The following MCTP1 variants were observed in gnomAD, a reference collection of about 807,000 sequenced individuals.
MCTP1 encodes the protein multiple C2 and transmembrane domain-containing protein 1.
In MCTP1, 69 loss-of-function variants were observed where a neutral mutation model predicts 120.6. The ratio of observed to expected loss-of-function variants is 0.57; its 90% CI spans 0.47 to 0.70. The LOEUF (loss-of-function observed/expected upper bound fraction) is 0.70. Among genes scored for constraint, MCTP1 ranks in the 30% least tolerant of loss-of-function variants. The pLI is 0.00. For synonymous variants in MCTP1, 529 were observed against 493.1 expected (o/e 1.07, Z -0.96); for missense variants, 1,203 against 1,248.8 (o/e 0.96, Z 0.55).
intron 2 of MCTP1, among the ~76,000 whole-genome samples, chr5:94,957,089 A>C (rs1346648754): frequency 6.6e-6 from 1 of 152,230 alleles, no homozygotes; most frequent in Non-Finnish European, 1.5e-5. Flanking sequence ...TCTACAAGCC[A>C]GAAGAGACTG....
intron 1 of MCTP1, among the ~76,000 whole-genome samples, chr5:95,134,760 G>C (rs1285830806): frequency 2.0e-5 from 3 of 152,110 alleles, no homozygotes; most frequent in Non-Finnish European, 2.9e-5. Context: ...CTCAGAGTCA[G>C]AGTGGGACAA....
chr5:95,042,308 G>A (rs1466007972), intron 1 of MCTP1, among the ~76,000 whole-genome samples: 1 of 152,052 alleles, frequency 6.6e-6, no homozygotes, highest in East Asian at 1.9e-4. Context: ...CTTTAAAGAG[G>A]GTGCAAACAC....
intron 19 of MCTP1, among the ~76,000 whole-genome samples, chr5:94,746,504 T>G (rs71641024): frequency 7.2e-4 from 110 of 152,350 alleles, no homozygotes; most frequent in Middle Eastern, 3.4e-3. Context: ...TTTGTATATT[T>G]GTGCATTAGC....
rs144220311 is a variant in MCTP1 at position 95,125,266 on chromosome 5, T to A, written c.721-107782A>T. Among the ~76,000 whole-genome samples, 524 of 152,350 alleles carry A rather than the reference T, an allele frequency of 3.4e-3. 3 individuals are homozygous for A. The highest frequency in any genetic ancestry group is 0.01 in the South Asian group (49 of 4,828). On this transcript the variant is annotated intron_variant, in intron 1 of 22. Transcript: ENST00000515393. ...GTGCTTAAATGATTCAAGTATATAT[T>A]TGTTAACTTCCAAGTGGACCACTTG...
chr5:95,248,962 T>C (rs967138059), intron 1 of MCTP1, among the ~76,000 whole-genome samples: 1 of 152,008 alleles, frequency 6.6e-6, no homozygotes, highest in African/African-American at 2.4e-5. Context: ...TAACCATAGG[T>C]AGAAAGCTGA....
chr5:94,987,065 A>AT (rs1014499464), intron 2 of MCTP1, among the ~76,000 whole-genome samples: 3 of 152,034 alleles, frequency 2.0e-5, no homozygotes, highest in Admixed American at 1.3e-4. Flanking sequence ...TTTTATTTGC[A>AT]TTTTTTTATT....
At chr5:94,932,313 G>T (rs1432317731) in intron 5 of MCTP1, among the ~76,000 whole-genome samples, 1 of 151,436 alleles carries the variant, frequency 6.6e-6, no homozygotes, top group South Asian at 2.1e-4. Flanking sequence ...GCTCCTTTTG[G>T]TGGTGGAGGT....
intron 2 of MCTP1, among the ~76,000 whole-genome samples, chr5:94,968,173 C>T (rs1653603049): frequency 6.6e-6 from 1 of 152,098 alleles, no homozygotes; most frequent in Non-Finnish European, 1.5e-5. Flanking sequence ...TATATTTTAG[C>T]AAGATATTAT....
chr5:95,229,604 G>A (rs993350857), intron 1 of MCTP1, among the ~76,000 whole-genome samples: 1 of 152,068 alleles, frequency 6.6e-6, no homozygotes, highest in Admixed American at 6.6e-5. Flanking sequence ...CCACAGGTGT[G>A]GTGGCGGGCG....
At chr5:95,080,015 A>C in intron 1 of MCTP1, among the ~76,000 whole-genome samples, 1 of 152,180 alleles carries the variant, frequency 6.6e-6, no homozygotes, top group Non-Finnish European at 1.5e-5. Flanking sequence ...CAATTCTAAC[A>C]GAAAGGGTTG....
chr5:95,195,712 T>A (rs1750310998), intron 1 of MCTP1, among the ~76,000 whole-genome samples: 1 of 151,874 alleles, frequency 6.6e-6, no homozygotes, highest in Non-Finnish European at 1.5e-5. Flanking sequence ...GAGAGGGGTA[T>A]AAAGTGACCG....
At position 94,947,575 on chromosome 5, in the gene MCTP1, TATAGAGAGAGAGAGAGAGAGAGAG is replaced by T. The variant is rs1442874332; in HGVS notation, c.982-5172_982-5149del. 4.8e-3 allele frequency among the ~76,000 whole-genome samples: 228 copies of T among 47,410 alleles called. 10 individuals carry two copies. Among genetic ancestry groups the T allele is most frequent in the Non-Finnish European group, 7.3e-3 (187 of 25,710 alleles). The allele number at this position is 47,410 out of a possible 152,430, so 31.1% of individuals were successfully genotyped here. On this transcript the variant is annotated intron_variant, in intron 3 of 22. Coordinates refer to ENST00000515393, the MANE Select transcript of MCTP1 (RefSeq NM_024717.7). Reference sequence around the variant, plus strand: ...TACTAAATATATATATATATATATATATAGAGAGAGAGAGAGAGAGAGAGAGAGAGAGAGAGAGAGAGAGAGAAA... The same window carrying T: ...TACTAAATATATATATATATATATATAGAGAGAGAGAGAGAGAGAGAGAAA...
chr5:94,748,927 A>G (rs1423865441), intron 19 of MCTP1, among the ~76,000 whole-genome samples: 2 of 152,242 alleles, frequency 1.3e-5, no homozygotes, highest in Non-Finnish European at 2.9e-5. Context: ...ATAGCGCTCA[A>G]TGCAATTAGA....
chr5:94,735,308 C>T, intron 19 of MCTP1, among the ~76,000 whole-genome samples: 1 of 151,796 alleles, frequency 6.6e-6, no homozygotes, highest in East Asian at 2.0e-4. Context: ...CTTTTAACCA[C>T]ATTATTTGTC....
At chr5:94,987,278 T>C (rs1000056) in intron 2 of MCTP1, among the ~76,000 whole-genome samples, 73,284 of 151,864 alleles carry the variant, frequency 0.48, 19,377 homozygotes, top group Non-Finnish European at 0.6. Flanking sequence ...ATTAACATGA[T>C]TGCCACCTAT....
intron 1 of MCTP1, among the ~76,000 whole-genome samples, chr5:95,117,314 C>A (rs1757891882): frequency 6.6e-6 from 1 of 150,692 alleles, no homozygotes; most frequent in African/African-American, 2.4e-5. Flanking sequence ...TGGCATGAAC[C>A]CGGGAGGCAG....
At chr5:94,743,758 C>T (rs1253166535) in intron 19 of MCTP1, among the ~76,000 whole-genome samples, 11 of 151,690 alleles carry the variant, frequency 7.3e-5, no homozygotes, top group Non-Finnish European at 7.4e-5. Context: ...CTGCCTCAGC[C>T]TCCCGAGTAG....
intron 18 of MCTP1, among the ~76,000 whole-genome samples, chr5:94,781,015 A>C (rs150001907): frequency 3.8e-4 from 58 of 152,280 alleles, no homozygotes; most frequent in African/African-American, 1.3e-3. Context: ...GATGGAAAAG[A>C]AGCTGCATTG....
chr5:94,818,029 G>A (rs1784854387), intron 17 of MCTP1, among the ~76,000 whole-genome samples: 2 of 152,164 alleles, frequency 1.3e-5, no homozygotes, highest in African/African-American at 4.8e-5. Context: ...AATCAGAACA[G>A]TGAGACTCAA....
Sources: gnomAD v4.1 joint callset for allele counts (sites outside exome capture counted in the v4.1 genomes callset) on GRCh38, gnomAD v4.1.1 for gene constraint, MANE v1.5 for transcripts, NCBI Gene and HGNC (gene_info 2026-07-23, HGNC 2026-07-21) for gene names.